The following PI4KA variants were observed in gnomAD, a reference collection of about 807,000 sequenced individuals.
The protein encoded by PI4KA is phosphatidylinositol 4-kinase alpha.
PI4KA carries 122 observed loss-of-function variants against 271.4 expected under a neutral mutation model. The ratio of observed to expected loss-of-function variants is 0.45; its 90% CI spans 0.39 to 0.52. The LOEUF is 0.52. PI4KA is among the 20% of genes least tolerant of loss of function. The pLI is 0.00. For missense variants in PI4KA, 1,969 were observed against 2,769.1 expected (o/e 0.71, Z 6.48); for synonymous variants, 1,041 against 1,078.8 (o/e 0.96, Z 0.69).
intron 19 of PI4KA, among the ~76,000 whole-genome samples, chr22:20,790,982 T>A (rs1934607742): frequency 6.6e-6 from 1 of 152,132 alleles, no homozygotes. Flanking sequence ...AGATAACAGT[T>A]CTGCCTGTAC....
intron 8 of PI4KA, among the ~76,000 whole-genome samples, chr22:20,811,607 CAAAAA>C (rs1185062165): frequency 2.7e-5 from 3 of 112,432 alleles, no homozygotes; most frequent in African/African-American, 9.8e-5. Flanking sequence ...TGCAGAACCA[CAAAAA>C]AAAAAAAAAA....
At chr22:20,784,195 G>T (rs148086470) in intron 19 of PI4KA, 1 of 1,614,158 alleles carries the variant, frequency 6.2e-7, no homozygotes, top group East Asian at 2.2e-5. Flanking sequence ...CCCTCGAAGC[G>T]CAACTGACAC....
At chr22:20,842,055 A>C (rs1329331273) in intron 1 of PI4KA, among the ~76,000 whole-genome samples, 2 of 152,062 alleles carry the variant, frequency 1.3e-5, no homozygotes, top group Non-Finnish European at 2.9e-5. Flanking sequence ...ATCTCTACTA[A>C]AAATACAAAA....
intron 19 of PI4KA, among the ~76,000 whole-genome samples, chr22:20,791,502 T>C (rs1398288252): frequency 2.6e-5 from 4 of 152,108 alleles, no homozygotes; most frequent in East Asian, 3.9e-4. Flanking sequence ...ACGCCTGTAA[T>C]CCCAGCACTA....
At chr22:20,726,625 C>G in intron 41 of PI4KA, 84 bp from the exon 42 acceptor site, 1 of 1,246,638 alleles carries the variant, frequency 8.0e-7, no homozygotes, top group Non-Finnish European at 1.1e-6. Flanking sequence ...TCTGCTTCTG[C>G]TCTGCCCACA....
At chr22:20,745,810 A>G (rs1929988349) in intron 29 of PI4KA, among the ~76,000 whole-genome samples, 1 of 152,038 alleles carries the variant, frequency 6.6e-6, no homozygotes, top group Non-Finnish European at 1.5e-5. Context: ...CAACGTAATG[A>G]CACACACAAT....
At chr22:20,727,480 G>T (rs1486169749) in intron 40 of PI4KA, 83 bp from the exon 41 acceptor site, 9 of 1,298,384 alleles carry the variant, frequency 6.9e-6, no homozygotes, top group Non-Finnish European at 7.3e-6. Flanking sequence ...ACACAAGGAC[G>T]GCCATGAGAA....
intron 22 of PI4KA, among the ~76,000 whole-genome samples, chr22:20,763,980 A>G (rs1024444923): frequency 1.3e-5 from 2 of 152,232 alleles, no homozygotes; most frequent in Admixed American, 1.3e-4. Flanking sequence ...GGTGGCAACA[A>G]TGAAAGGCTA....
intron 29 of PI4KA, among the ~76,000 whole-genome samples, chr22:20,747,126 T>C (rs1930199257): frequency 6.6e-6 from 1 of 152,234 alleles, no homozygotes; most frequent in Admixed American, 6.5e-5. Flanking sequence ...GTGTGAACCC[T>C]CTGTCCTCTA....
intron 19 of PI4KA, among the ~76,000 whole-genome samples, chr22:20,777,219 C>CTT (rs374097207): frequency 7.1e-5 from 10 of 140,984 alleles, no homozygotes; most frequent in South Asian, 2.3e-4. Flanking sequence ...TTTTTCTTTT[C>CTT]TTTTTTTTTT....
Position 20,727,278 on chromosome 22 carries a change from G to A in PI4KA, c.4893C>T (p.His1631=). 6.2e-7 allele frequency: 1 copy of A among 1,613,406 alleles called. No individual in the cohort carries two copies. The highest frequency in any genetic ancestry group is 1.1e-5 in the South Asian group (1 of 91,072). ...LSYFSSMYPP[H]PLTAQYGVKV... ...TCACCCCGTACTGCGCCGTGAGAGG[G>A]TGCGGCGGGTACATGCTGGAGAAGT... Residue 1631 remains histidine, a synonymous_variant, in exon 41 of 55, where the codon CAC becomes CAT. Transcript: ENST00000255882.
At chr22:20,848,855 T>C (rs1926606100) in intron 1 of PI4KA, among the ~76,000 whole-genome samples, 1 of 152,154 alleles carries the variant, frequency 6.6e-6, no homozygotes, top group African/African-American at 2.4e-5. Context: ...CATCAAAATT[T>C]AAAACTTTTG....
At chr22:20,733,970 C>G in intron 34 of PI4KA, 73 bp downstream of exon 34, 1 of 1,520,406 alleles carries the variant, frequency 6.6e-7, no homozygotes, top group Non-Finnish European at 8.8e-7. Context: ...ACAGAAGTAC[C>G]GTGATACACA....
rs1159765642 is a variant in PI4KA at position 20,713,285 on chromosome 22, C to T, written c.5567G>A (p.Arg1856Gln). 11 of 1,576,312 alleles carry T rather than the reference C, an allele frequency of 7.0e-6. No individual in the cohort carries two copies. Among genetic ancestry groups the T allele is most frequent in the African/African-American group, 1.4e-5 (1 of 73,908 alleles). Residue 1856 changes from arginine (R) to glutamine (Q), a missense_variant, in exon 48 of 55, where the codon CGG becomes CAG. Arg to Gln is a conservative substitution (Grantham distance 43). This residue lies in a region of PI4KA where 388 missense variants were observed against 521.5 expected (regional missense o/e 0.74). Transcript: ENST00000255882. ...TCGAGGCCTGACCCTGCTTACCTGC[C>T]GGCAGTCGTCTCCCACCTTGAAGAT... Reference protein sequence around the residue: ...AAIFKVGDDCRQDMLALQIID... With the variant: ...AAIFKVGDDCQQDMLALQIID...
intron 19 of PI4KA, among the ~76,000 whole-genome samples, chr22:20,777,867 G>A (rs932114805): frequency 2.0e-5 from 3 of 152,146 alleles, no homozygotes; most frequent in Non-Finnish European, 2.9e-5. Context: ...TCCTCTGAAC[G>A]AGTCAGAGGA....
In PI4KA at chr22:20,824,779, C is replaced by CACAA. The variant is rs1555905118; in HGVS notation, c.368-366_368-365insTTGT. 5.6e-5 allele frequency among the ~76,000 whole-genome samples: 7 copies of CACAA among 124,478 alleles called. No homozygotes were observed. The South Asian group carries it at 1.7e-3, about 31-fold the overall frequency. 81.7% of individuals were successfully genotyped at this position (124,478 alleles called of 152,430 possible). ...ACACACACACACACACACACACACA[C>CACAA]AAAACACTCGGCTGGGCGAAGTGGC... On this transcript the variant is annotated intron_variant, in intron 3 of 54. Coordinates refer to ENST00000255882, the MANE Select transcript of PI4KA (RefSeq NM_058004.4).
At chr22:20,796,099 C>T in intron 18 of PI4KA, 47 bp downstream of exon 18, 1 of 1,561,538 alleles carries the variant, frequency 6.4e-7, no homozygotes, top group Non-Finnish European at 8.8e-7. Flanking sequence ...CCTTGGCCAG[C>T]AGGGATAGGA....
chr22:20,799,590 G>A, intron 15 of PI4KA, 81 bp downstream of exon 15: 2 of 927,122 alleles, frequency 2.2e-6, no homozygotes, highest in East Asian at 2.6e-5. Context: ...ACAGAGGCAT[G>A]CATACGCACA....
intron 30 of PI4KA, among the ~76,000 whole-genome samples, chr22:20,743,354 G>A (rs1255085492): frequency 1.3e-5 from 2 of 152,134 alleles, no homozygotes; most frequent in Non-Finnish European, 2.9e-5. Context: ...ATGTTGGCCA[G>A]GCTGGTCTTG....
Sources: gnomAD v4.1 joint callset for allele counts (sites outside exome capture counted in the v4.1 genomes callset) on GRCh38, gnomAD v4.1.1 for gene constraint, gnomAD v4.1.1 regional missense constraint, MANE v1.5 for transcripts, NCBI Gene and HGNC (gene_info 2026-07-23, HGNC 2026-07-21) for gene names.